ADGRB3: variants seen among roughly 807,000 people sequenced by gnomAD.
ADGRB3 encodes the protein brain-specific angiogenesis inhibitor 3.
A neutral mutation model predicts 193.4 loss-of-function variants in ADGRB3; 37 were observed. The ratio of observed to expected loss-of-function variants is 0.19; its 90% CI spans 0.15 to 0.25. ADGRB3 has a LOEUF of 0.25. Among genes scored for constraint, ADGRB3 ranks in the 10% least tolerant of loss-of-function variants. The pLI, the probability that ADGRB3 is intolerant of heterozygous loss-of-function variation, is 1.00. For synonymous variants in ADGRB3, 690 were observed against 644.2 expected (o/e 1.07, Z -1.08); for missense variants, 1,637 against 1,852.9 (o/e 0.88, Z 2.14).
chr6:69,108,495 T>C (rs2150324602), intron 17 of ADGRB3, among the ~76,000 whole-genome samples: 1 of 152,220 alleles, frequency 6.6e-6, no homozygotes, highest in Non-Finnish European at 1.5e-5. Context: ...ACTTAACTTC[T>C]TTCAGCTTGC....
chr6:68,717,649 G>A (rs1325625584), intron 3 of ADGRB3, among the ~76,000 whole-genome samples: 1 of 151,200 alleles, frequency 6.6e-6, no homozygotes, highest in Non-Finnish European at 1.5e-5. Context: ...TGATTCAAGT[G>A]TTCTTCATAT....
chr6:69,153,776 G>A (rs1011008184), intron 17 of ADGRB3, among the ~76,000 whole-genome samples: 6 of 152,090 alleles, frequency 3.9e-5, no homozygotes, highest in Non-Finnish European at 8.8e-5. Context: ...GGCGGATCAC[G>A]AGGTCAGGAG....
intron 17 of ADGRB3, among the ~76,000 whole-genome samples, chr6:69,147,911 T>C (rs1774550837): frequency 1.3e-5 from 2 of 152,190 alleles, no homozygotes; most frequent in South Asian, 2.1e-4. Context: ...CTTTGTCTTA[T>C]AACTTTTGTC....
At chr6:69,200,699 C>T (rs902503108) in intron 17 of ADGRB3, among the ~76,000 whole-genome samples, 1 of 152,118 alleles carries the variant, frequency 6.6e-6, no homozygotes, top group Non-Finnish European at 1.5e-5. Flanking sequence ...TGGAGTCTCA[C>T]ATGGCTTTCA....
intron 21 of ADGRB3, among the ~76,000 whole-genome samples, chr6:69,327,300 C>T (rs945811122): frequency 2.0e-5 from 3 of 152,074 alleles, no homozygotes; most frequent in African/African-American, 7.2e-5. Flanking sequence ...TAATTGAACT[C>T]CCTGTTTCTA....
At chr6:69,186,206 T>A (rs551077264) in intron 17 of ADGRB3, among the ~76,000 whole-genome samples, 197 of 150,450 alleles carry the variant, frequency 1.3e-3, no homozygotes, top group African/African-American at 4.5e-3. Context: ...AAATTGTCAA[T>A]TGGCCTGCAA....
At chr6:69,194,248 G>A (rs1420788020) in intron 17 of ADGRB3, among the ~76,000 whole-genome samples, 3 of 152,108 alleles carry the variant, frequency 2.0e-5, no homozygotes, top group Non-Finnish European at 4.4e-5. Context: ...CAGATAGACT[G>A]GAAATGAGAG....
intron 3 of ADGRB3, among the ~76,000 whole-genome samples, chr6:68,800,043 GA>G (rs1309201581): frequency 2.6e-5 from 4 of 152,088 alleles, no homozygotes; most frequent in African/African-American, 9.7e-5. Context: ...TGAGTTTATA[GA>G]ACCATGTGTA....
At chr6:68,732,370 G>A (rs1454945982) in intron 3 of ADGRB3, among the ~76,000 whole-genome samples, 3 of 151,716 alleles carry the variant, frequency 2.0e-5, no homozygotes, top group African/African-American at 7.3e-5. Flanking sequence ...AAGTTAAATG[G>A]TGAGAACACA....
intron 3 of ADGRB3, among the ~76,000 whole-genome samples, chr6:68,729,593 G>A (rs1418821757): frequency 6.6e-6 from 1 of 151,400 alleles, no homozygotes; most frequent in East Asian, 2.0e-4. Flanking sequence ...GCAATTAAGG[G>A]CGCTAAGCCA....
chr6:69,289,679 C>T (rs1193299421), intron 20 of ADGRB3, among the ~76,000 whole-genome samples: 3 of 152,112 alleles, frequency 2.0e-5, no homozygotes, highest in African/African-American at 4.8e-5. Context: ...CAAATGAATG[C>T]GTGCTTTTCT....
intron 21 of ADGRB3, among the ~76,000 whole-genome samples, chr6:69,325,844 G>T (rs987092920): frequency 1.3e-5 from 2 of 152,168 alleles, no homozygotes; most frequent in Non-Finnish European, 2.9e-5. Context: ...TTTCAGCAAG[G>T]TCTATTATGT....
At chr6:68,818,873 C>T (rs1449648478) in intron 3 of ADGRB3, among the ~76,000 whole-genome samples, 1 of 151,934 alleles carries the variant, frequency 6.6e-6, no homozygotes, top group Non-Finnish European at 1.5e-5. Flanking sequence ...AAAGCAACTC[C>T]CTGAGGAAAG....
intron 3 of ADGRB3, among the ~76,000 whole-genome samples, chr6:68,929,836 A>AT (rs1213278884): frequency 2.0e-5 from 3 of 151,948 alleles, no homozygotes; most frequent in African/African-American, 4.8e-5. Flanking sequence ...AGTACCAGAC[A>AT]TTTTTTTTCT....
chr6:69,355,198 T>C (rs1769313267), intron 27 of ADGRB3, among the ~76,000 whole-genome samples: 1 of 152,186 alleles, frequency 6.6e-6, no homozygotes, highest in African/African-American at 2.4e-5. Flanking sequence ...AAAACATTAA[T>C]TGATTTGCTT....
At chr6:69,119,679 A>G (rs1773631242) in intron 17 of ADGRB3, among the ~76,000 whole-genome samples, 1 of 152,202 alleles carries the variant, frequency 6.6e-6, no homozygotes, top group Non-Finnish European at 1.5e-5. Context: ...AGGCTTACAC[A>G]AAGAAGAACA....
At chr6:69,120,925 GA>G (rs1773661798) in intron 17 of ADGRB3, among the ~76,000 whole-genome samples, 1 of 150,538 alleles carries the variant, frequency 6.6e-6, no homozygotes, top group Non-Finnish European at 1.5e-5. Flanking sequence ...AAAGAAAAGA[GA>G]AACATGTATT....
intron 20 of ADGRB3, among the ~76,000 whole-genome samples, chr6:69,316,572 G>A (rs971400207): frequency 1.3e-5 from 2 of 151,426 alleles, no homozygotes; most frequent in South Asian, 4.1e-4. Flanking sequence ...ATCTAGGAAA[G>A]CCTTTCACAA....
chr6:68,646,229 C>T (rs546958852), intron 3 of ADGRB3, among the ~76,000 whole-genome samples: 4 of 151,978 alleles, frequency 2.6e-5, no homozygotes, highest in East Asian at 3.9e-4. Flanking sequence ...GTAATCCCAG[C>T]ACTTTGGGAG....
Sources: gnomAD v4.1 joint callset for allele counts (sites outside exome capture counted in the v4.1 genomes callset) on GRCh38, gnomAD v4.1.1 for gene constraint, MANE v1.5 for transcripts, NCBI Gene and HGNC (gene_info 2026-07-23, HGNC 2026-07-21) for gene names.